Variants in QKI observed in about 807,000 individuals in gnomAD.
The protein encoded by QKI is KH domain-containing RNA-binding protein QKI.
A neutral mutation model predicts 39.0 loss-of-function variants in QKI; 10 were observed. The ratio of observed to expected loss-of-function variants is 0.26; its 90% CI spans 0.16 to 0.43. The LOEUF is 0.43. Among genes scored for constraint, QKI ranks in the 20% least tolerant of loss-of-function variants. The pLI is 1.00. For synonymous variants in QKI, 204 were observed against 155.4 expected (o/e 1.31, Z -2.33); for missense variants, 218 against 428.0 (o/e 0.51, Z 4.33).
intron 3 of QKI, among the ~76,000 whole-genome samples, chr6:163,496,406 A>G (rs1172731139): frequency 6.9e-6 from 1 of 145,172 alleles, no homozygotes; most frequent in Non-Finnish European, 1.5e-5. Flanking sequence ...AGGAGGAGGT[A>G]AAGTACCTTC....
chr6:163,500,171 C>T (rs576956651), intron 3 of QKI, among the ~76,000 whole-genome samples: 2 of 152,254 alleles, frequency 1.3e-5, no homozygotes, highest in Admixed American at 1.3e-4. Context: ...ATATGCTTCT[C>T]TATAGGCTTG....
intron 2 of QKI, among the ~76,000 whole-genome samples, chr6:163,459,928 T>G (rs956790076): frequency 1.3e-5 from 2 of 152,228 alleles, no homozygotes; most frequent in African/African-American, 4.8e-5. Flanking sequence ...TCCATGGAGA[T>G]GTGTTATAAA....
At chr6:163,476,665 G>A (rs1792628829) in intron 2 of QKI, among the ~76,000 whole-genome samples, 1 of 152,160 alleles carries the variant, frequency 6.6e-6, no homozygotes, top group Non-Finnish European at 1.5e-5. Context: ...CTGTGTATTA[G>A]TTCCACCTTT....
At chr6:163,534,875 A>C in intron 3 of QKI, 107 bp from the exon 4 acceptor site, 1 of 966,890 alleles carries the variant, frequency 1.0e-6, no homozygotes, top group Non-Finnish European at 1.4e-6. Flanking sequence ...ATCATAGCAA[A>C]ATAATGCAAA....
At chr6:163,568,658 A>T in intron 7 of QKI, 1 of 976,680 alleles carries the variant, frequency 1.0e-6, no homozygotes, top group Non-Finnish European at 1.2e-6. Context: ...TTTTGAAGAG[A>T]AGTTTATTAG....
intron 3 of QKI, among the ~76,000 whole-genome samples, chr6:163,498,019 C>A (rs1285098145): frequency 2.6e-5 from 4 of 152,006 alleles, no homozygotes; most frequent in Non-Finnish European, 5.9e-5. Flanking sequence ...TTAAAAATTT[C>A]TGTTACTGTA....
intron 4 of QKI, among the ~76,000 whole-genome samples, chr6:163,556,662 T>C (rs1044324991): frequency 6.6e-6 from 1 of 152,172 alleles, no homozygotes; most frequent in African/African-American, 2.4e-5. Flanking sequence ...ACTGTGTTTA[T>C]AGTTGCTTCA....
chr6:163,428,571 G>A (rs1438216072), intron 1 of QKI, among the ~76,000 whole-genome samples: 2 of 152,080 alleles, frequency 1.3e-5, no homozygotes, highest in Non-Finnish European at 2.9e-5. Flanking sequence ...TTTTATTATA[G>A]TTTATAGCAT....
At position 163,414,757 on chromosome 6, in the gene QKI, G is replaced by T; in HGVS notation, c.-437G>T. 6.7e-6 allele frequency: 1 copy of T among 149,014 alleles called. No individual in the cohort carries two copies. Among genetic ancestry groups the T allele is most frequent in the South Asian group, 1.9e-4 (1 of 5,270 alleles). The allele number at this position is 149,014 out of a possible 1,614,324, so 9.2% of individuals were successfully genotyped here. ...GCGGCAGCGGCAGAGGCGCCGCGGC[G>T]GGGACCAGCCCAGAGAGACCCCCCG... On this transcript the variant is annotated 5_prime_UTR_variant, in exon 1 of 8. Coordinates refer to ENST00000361752, the MANE Select transcript of QKI (RefSeq NM_006775.3).
At position 163,577,788 on chromosome 6, in the gene QKI, A is replaced by G. The variant is rs1206756213; in HGVS notation, c.*7078A>G. The G allele has an allele frequency of 2.0e-5, 3 of 152,208 alleles. No individual in the cohort carries two copies. Among genetic ancestry groups the G allele is most frequent in the Non-Finnish European group, 4.4e-5 (3 of 68,048 alleles). The allele number at this position is 152,208 out of a possible 1,614,324, so 9.4% of individuals were successfully genotyped here. On this transcript the variant is annotated 3_prime_UTR_variant, in exon 8 of 8. Coordinates refer to ENST00000361752, the MANE Select transcript of QKI (RefSeq NM_006775.3). ...GATGTTTTTCCTCCTGAAAAATCAG[A>G]TGAATATTTTAGTCACTGTTACTCA...
At chr6:163,487,657 T>A (rs1369049554) in intron 3 of QKI, among the ~76,000 whole-genome samples, 1 of 152,144 alleles carries the variant, frequency 6.6e-6, no homozygotes, top group Non-Finnish European at 1.5e-5. Flanking sequence ...TGGATTTTGC[T>A]GGTGGCATTT....
rs540612388 is a variant in QKI at position 163,419,483 on chromosome 6, A to G, written c.142+4148A>G. On this transcript the variant is annotated intron_variant, in intron 1 of 7. Transcript: ENST00000361752. Reference sequence around the variant, plus strand: ...TAACAAACAGATTTTAAGGTGAAATAATCTGTTCTTTAGAAACTAAGATAT... The same window carrying G: ...TAACAAACAGATTTTAAGGTGAAATGATCTGTTCTTTAGAAACTAAGATAT... Among the ~76,000 whole-genome samples, 5 of 152,288 alleles carry G rather than the reference A, an allele frequency of 3.3e-5. No homozygotes were observed. The South Asian group carries it at 8.3e-4, about 25-fold the overall frequency.
intron 3 of QKI, among the ~76,000 whole-genome samples, chr6:163,496,700 C>T (rs1020575709): frequency 1.3e-5 from 2 of 152,178 alleles, no homozygotes; most frequent in African/African-American, 2.4e-5. Flanking sequence ...GTGTATTCCT[C>T]GAACATACAC....
intron 2 of QKI, among the ~76,000 whole-genome samples, chr6:163,467,038 C>CA (rs199715703): frequency 0.02 from 2,133 of 105,096 alleles, 34 homozygotes; most frequent in African/African-American, 0.034. Flanking sequence ...AACAAAACAG[C>CA]AAAAAAAAAA....
intron 3 of QKI, among the ~76,000 whole-genome samples, chr6:163,505,138 A>G (rs1273960804): frequency 6.6e-6 from 1 of 152,146 alleles, no homozygotes; most frequent in Non-Finnish European, 1.5e-5. Flanking sequence ...TGCACAGAAC[A>G]CAAGAGTTGA....
chr6:163,568,891 TGTA>T (rs1783535042), intron 7 of QKI: 7 of 985,848 alleles, frequency 7.1e-6, no homozygotes, highest in Non-Finnish European at 8.4e-6. Flanking sequence ...GACACACCTG[TGTA>T]GGAGGCCAAG....
At chr6:163,454,681 C>T (rs762483599) in intron 1 of QKI, among the ~76,000 whole-genome samples, 21 of 152,054 alleles carry the variant, frequency 1.4e-4, no homozygotes, top group African/African-American at 3.6e-4. Context: ...AAGTGGATTC[C>T]GTCCTTCTTT....
chr6:163,436,884 A>G (rs925857570), intron 1 of QKI, among the ~76,000 whole-genome samples: 1 of 152,060 alleles, frequency 6.6e-6, no homozygotes, highest in African/African-American at 2.4e-5. Context: ...TTTTCATTGA[A>G]AGTAGTTCCA....
intron 2 of QKI, among the ~76,000 whole-genome samples, chr6:163,464,701 T>A (rs1791599810): frequency 6.6e-6 from 1 of 151,866 alleles, no homozygotes; most frequent in Non-Finnish European, 1.5e-5. Flanking sequence ...AGTCAAAACC[T>A]CCCAACAAAT....
Sources: allele counts gnomAD v4.1 joint callset (sites outside exome capture counted in the v4.1 genomes callset), GRCh38; gene constraint gnomAD v4.1.1; transcripts MANE v1.5; gene names NCBI Gene and HGNC (gene_info 2026-07-23, HGNC 2026-07-21).